The following DHPS variants were observed in gnomAD, a reference collection of about 807,000 sequenced individuals.
DHPS encodes the protein deoxyhypusine synthase, also known as migration-inducing gene 13.
A neutral mutation model predicts 38.7 loss-of-function variants in DHPS; 24 were observed. The ratio of observed to expected loss-of-function variants is 0.62; its 90% confidence interval spans 0.45 to 0.87. The LOEUF (loss-of-function observed/expected upper bound fraction) is 0.87, where lower values mean the gene tolerates loss of function less well. DHPS is among the 40% of genes least tolerant of loss of function. The pLI, the probability that DHPS is intolerant of heterozygous loss-of-function variation, is 0.00. For missense variants in DHPS, 510 were observed against 497.6 expected (o/e 1.02, Z -0.24); for synonymous variants, 250 against 204.4 (o/e 1.22, Z -1.90).
In DHPS at chr19:12,679,917, G is replaced by A. The variant is rs755663327; in HGVS notation, c.378C>T (p.Asp126=). ...IRYLVQHNMV[D]VLVTTAGGVE... Reference sequence around the variant, plus strand: ...CGCCGCCAGCTGTGGTCACCAATACGTCCACCTGCAGCCACAAGGCAGTGA... The same window carrying A: ...CGCCGCCAGCTGTGGTCACCAATACATCCACCTGCAGCCACAAGGCAGTGA... The change falls in exon 3 of 9, where the codon GAC becomes GAT. Residue 126 remains aspartate (D), a synonymous_variant. Transcript: ENST00000210060. 16 of 1,612,282 alleles carry A rather than the reference G, an allele frequency of 9.9e-6. No homozygotes were observed. Among genetic ancestry groups the A allele is most frequent in the East Asian group, 2.2e-5 (1 of 44,878 alleles).
Position 12,679,469 on chromosome 19 carries a change from G to T in DHPS, c.666C>A (p.Tyr222Ter). ...CTTAGGTCCTCACCTTCTGGGCCCAGTAATACACGGACTCTGGGTTGTTGA... is the reference window on the plus strand; with the variant it reads ...CTTAGGTCCTCACCTTCTGGGCCCATTAATACACGGACTCTGGGTTGTTGA... ...KEINNPESVY[Y>*]WAQKNHIPVF... is the part of the protein sequence containing the mutation. Residue 222 changes from tyrosine to a stop codon, truncating the protein, a stop_gained, in exon 5 of 9, where the codon TAC becomes TAA. Transcript: ENST00000210060. LOFTEE classifies it high-confidence loss of function. The T allele has an allele frequency of 6.2e-7, 1 of 1,614,188 alleles. No homozygotes were observed. Among genetic ancestry groups the T allele is most frequent in the Non-Finnish European group, 8.5e-7 (1 of 1,180,030 alleles).
At chr19:12,672,551 T>C (rs1487550763), downstream of DHPS, 2 of 400,334 alleles carry the variant, frequency 5.0e-6, no homozygotes, top group Non-Finnish European at 9.4e-6. Context: ...GAGGTTCCGG[T>C]GAGCCAAGAT....
In DHPS at chr19:12,681,562, T is replaced by C. The variant is rs771190004; in HGVS notation, c.205A>G (p.Met69Val). The C allele has an allele frequency of 3.1e-6, 5 of 1,614,128 alleles. No homozygotes were observed. The highest frequency in any genetic ancestry group is 2.5e-6 in the Non-Finnish European group (3 of 1,180,056). The change falls in exon 1 of 9, where the codon ATG (methionine) becomes GTG (valine). Residue 69 changes from methionine (M) to valine (V), a missense_variant and splice_region_variant. Transcript: ENST00000210060. ...FGRAVQQVNA[M>V]IEKKLEPLSQ... ...TAGAAATTCCGCCCGGTCCTCACCA[T>C]GGCATTGACTTGCTGTACAGCGCGC...
At position 12,676,790 on chromosome 19, in the gene DHPS, G is replaced by GCTAGTACAGCA. The variant is rs2145345849; in HGVS notation, c.888+317_888+318insTGCTGTACTAG. 7 of 400,466 alleles carry GCTAGTACAGCA rather than the reference G, an allele frequency of 1.7e-5. No individual in the cohort carries two copies. The East Asian group carries it at 3.8e-4, about 22-fold the overall frequency. 24.8% of individuals were successfully genotyped at this position (400,466 alleles called of 1,614,324 possible). A position where few individuals can be genotyped will look rare whatever the true frequency, so the allele number is the denominator to read the frequency against. On this transcript the variant is annotated intron_variant, in intron 7 of 8. Coordinates refer to ENST00000210060, the MANE Select transcript of DHPS (RefSeq NM_001930.4). ...TGCTAGTACAGCAGCACAAACTCCT[G>GCTAGTACAGCA]GCACGGGAGACAACCACATAGCTCC...
chr19:12,677,921 A>G (rs1293748943), intron 5 of DHPS, among the ~76,000 whole-genome samples: 3 of 150,876 alleles, frequency 2.0e-5, no homozygotes, highest in Non-Finnish European at 4.4e-5. Context: ...GATTACAAGC[A>G]TGAGCCACCG....
intron 1 of DHPS, chr19:12,681,154 A>C: frequency 7.8e-7 from 1 of 1,279,336 alleles, no homozygotes; most frequent in Non-Finnish European, 1.0e-6. Context: ...TTTAGGAATC[A>C]GAGAGCATCT....
chr19:12,681,153 CAGAG>C, intron 1 of DHPS: 10 of 1,279,442 alleles, frequency 7.8e-6, no homozygotes, highest in Non-Finnish European at 1.0e-5. Context: ...TTTTAGGAAT[CAGAG>C]AGCATCTCCT....
rs779667397 is a variant in DHPS at position 12,681,551 on chromosome 19, G to C, written c.207+9C>G. 1 of 1,614,136 alleles carries C rather than the reference G, an allele frequency of 6.2e-7. No individual in the cohort carries two copies. The highest frequency in any genetic ancestry group is 2.2e-5 in the East Asian group (1 of 44,884). On this transcript the variant is annotated intron_variant, in intron 1 of 8. Transcript: ENST00000210060. ...CTCCGCGTCCCTAGAAATTCCGCCC[G>C]GTCCTCACCATGGCATTGACTTGCT... is the stretch of plus-strand genomic sequence containing the variant.
intron 1 of DHPS, chr19:12,681,281 C>G (rs1568320642): frequency 1.5e-6 from 2 of 1,302,308 alleles, no homozygotes; most frequent in Non-Finnish European, 2.0e-6. Context: ...AGGCTCCGCC[C>G]ATTCCAGAAA....
chr19:12,680,446 T>G, intron 1 of DHPS, 121 bp from the exon 2 acceptor site: 1 of 995,840 alleles, frequency 1.0e-6, no homozygotes, highest in Non-Finnish European at 1.5e-6. Context: ...CAGGACCAGT[T>G]CTACAGGGGA....
At chr19:12,676,259 C>T (rs1189858852) in intron 7 of DHPS, 117 bp from the exon 8 acceptor site, 3 of 1,296,108 alleles carry the variant, frequency 2.3e-6, no homozygotes, top group Non-Finnish European at 3.1e-6. Flanking sequence ...GGAAGCCCTT[C>T]ACAGACATTC....
chr19:12,674,173 C>A (rs1323103757), downstream of DHPS, among the ~76,000 whole-genome samples: 1 of 152,240 alleles, frequency 6.6e-6, no homozygotes, highest in South Asian at 2.1e-4. Context: ...GCAACTGGCA[C>A]TGACCCCTGG....
intron 5 of DHPS, among the ~76,000 whole-genome samples, chr19:12,677,753 A>T (rs866891336): frequency 6.6e-6 from 1 of 151,952 alleles, no homozygotes. Flanking sequence ...CTCCTGCTTC[A>T]GCCTCCCGAG....
At chr19:12,676,829 C>A (rs999009268) in intron 7 of DHPS, 3 of 477,230 alleles carry the variant, frequency 6.3e-6, no homozygotes, top group Non-Finnish European at 1.2e-5. Context: ...GAGATGCCTC[C>A]CCAAACCCCT....
In DHPS at chr19:12,681,614, G is replaced by A. The variant is rs746111962; in HGVS notation, c.153C>T (p.Thr51=). The part of the protein sequence containing the change: ...NYRALLEAFG[T]TGFQATNFGR... ...CGAAGTTGGTTGCTTGGAAGCCGGT[G>A]GTGCCGAAGGCCTCCAGCAGTGCGC... Residue 51 remains threonine (T), a synonymous_variant, in exon 1 of 9, where the codon ACC becomes ACT. Coordinates refer to ENST00000210060, the MANE Select transcript of DHPS (RefSeq NM_001930.4). The A allele has an allele frequency of 3.1e-6, 5 of 1,614,250 alleles. No individual in the cohort carries two copies. Among genetic ancestry groups the A allele is most frequent in the East Asian group, 2.2e-5 (1 of 44,886 alleles).
chr19:12,672,895 C>T, downstream of DHPS: 1 of 1,598,108 alleles, frequency 6.3e-7, no homozygotes, highest in Non-Finnish European at 8.5e-7. Flanking sequence ...TGGGGCAGCT[C>T]TTCTCAGACT....
At chr19:12,680,075 C>G (rs1461018757) in intron 2 of DHPS, 86 bp downstream of exon 2, 4 of 1,577,486 alleles carry the variant, frequency 2.5e-6, no homozygotes, top group South Asian at 2.3e-5. Flanking sequence ...ATAACAGACC[C>G]CTATCTGCCC....
chr19:12,679,565 A>G (rs1465702003), intron 4 of DHPS, 22 bp from the exon 5 acceptor site: 3 of 1,613,978 alleles, frequency 1.9e-6, no homozygotes, highest in East Asian at 2.2e-5. Flanking sequence ...TGTGACCTTC[A>G]GGCCATGCCT....
chr19:12,675,527 C>T (rs759704090), downstream of DHPS: 16 of 1,604,182 alleles, frequency 1.0e-5, no homozygotes, highest in South Asian at 2.2e-5. Context: ...CCACAGGGTG[C>T]GCTGGCTCTG....
Sources: gnomAD v4.1 joint callset for allele counts (sites outside exome capture counted in the v4.1 genomes callset) on GRCh38, gnomAD v4.1.1 for gene constraint, MANE v1.5 for transcripts, NCBI Gene and HGNC (gene_info 2026-07-23, HGNC 2026-07-21) for gene names.